Variants in PCDHA4 observed in about 807,000 individuals in gnomAD.
PCDHA4 encodes the protein protocadherin alpha-4.
In PCDHA4, 49 loss-of-function variants were observed where a neutral mutation model predicts 61.4. The observed-to-expected ratio is 0.80, with a 90% CI of 0.63 to 1.01. PCDHA4 has a LOEUF of 1.01. PCDHA4 is among the 50% of genes least tolerant of loss of function. The pLI, the probability that PCDHA4 is intolerant of heterozygous loss-of-function variation, is 0.00. For synonymous variants in PCDHA4, 590 were observed against 550.3 expected, an observed-to-expected ratio of 1.07 and a Z score of -1.01; for missense variants, 1,254 against 1,235.8, an observed-to-expected ratio of 1.01 and a Z score of -0.22.
At chr5:140,906,022 C>T (rs782487413) in intron 1 of PCDHA4, among the ~76,000 whole-genome samples, 9 of 152,192 alleles carry the variant, frequency 5.9e-5, no homozygotes, top group African/African-American at 1.2e-4. Context: ...AATCTCTCCA[C>T]GTTCTTCTGT....
At chr5:140,830,048 G>A (rs2150180232) in intron 1 of PCDHA4, 1 of 1,613,792 alleles carries the variant, frequency 6.2e-7, no homozygotes, top group South Asian at 1.1e-5. Context: ...GCTGGTGAAA[G>A]ACCACGGTGA....
At chr5:140,933,184 G>T (rs1459868769) in intron 1 of PCDHA4, among the ~76,000 whole-genome samples, 4 of 149,618 alleles carry the variant, frequency 2.7e-5, no homozygotes, top group African/African-American at 4.9e-5. Flanking sequence ...ATAAGATAAT[G>T]GTTCAGGATA....
chr5:140,834,584 G>C (rs2150221913), intron 1 of PCDHA4: 1 of 1,614,122 alleles, frequency 6.2e-7, no homozygotes, highest in Non-Finnish European at 8.5e-7. Flanking sequence ...TCCGGGCGGT[G>C]TGCAAATTCC....
chr5:140,925,076 A>G (rs1388489555), intron 1 of PCDHA4, among the ~76,000 whole-genome samples: 2 of 148,798 alleles, frequency 1.3e-5, no homozygotes, highest in Non-Finnish European at 3.0e-5. Context: ...CAACACGCTC[A>G]TCTGGAAAGG....
chr5:140,849,816 G>C (rs2150451582), intron 1 of PCDHA4: 2 of 1,598,578 alleles, frequency 1.3e-6, no homozygotes, highest in Admixed American at 1.7e-5. Context: ...CACGGCCAGG[G>C]TGTCTGTGGA....
At chr5:141,008,211 G>A (rs1032443788) in intron 3 of PCDHA4, among the ~76,000 whole-genome samples, 6 of 152,168 alleles carry the variant, frequency 3.9e-5, no homozygotes, top group Admixed American at 2.0e-4. Context: ...AACTTGACAT[G>A]AGTTATGTTA....
chr5:140,995,918 G>A (rs1303145667), intron 3 of PCDHA4, among the ~76,000 whole-genome samples: 1 of 152,180 alleles, frequency 6.6e-6, no homozygotes, highest in Non-Finnish European at 1.5e-5. Flanking sequence ...GAGACCATAG[G>A]CTGTTGTAAG....
At chr5:140,978,455 G>A (rs782473387) in intron 1 of PCDHA4, among the ~76,000 whole-genome samples, 21 of 152,302 alleles carry the variant, frequency 1.4e-4, no homozygotes, top group Non-Finnish European at 2.8e-4. Context: ...GGGCACATCC[G>A]CCCTGGGTCA....
intron 1 of PCDHA4, chr5:140,875,947 G>A: frequency 6.2e-7 from 1 of 1,614,184 alleles, no homozygotes; most frequent in South Asian, 1.1e-5. Context: ...GGGCGCTTCT[G>A]ATGCGGATAT....
chr5:140,906,816 G>A (rs574852506), intron 1 of PCDHA4, among the ~76,000 whole-genome samples: 6 of 152,360 alleles, frequency 3.9e-5, no homozygotes, highest in African/African-American at 1.4e-4. Context: ...TACCTCCACT[G>A]TGGAGTAGTA....
intron 1 of PCDHA4, chr5:140,884,339 G>A (rs1178682525): frequency 6.2e-7 from 1 of 1,613,788 alleles, no homozygotes; most frequent in Non-Finnish European, 8.5e-7. Context: ...GGGTCCAGAA[G>A]CGGCGCTGGT....
chr5:140,857,909 T>C (rs1554150840), intron 1 of PCDHA4: 1 of 1,597,744 alleles, frequency 6.3e-7, no homozygotes, highest in Non-Finnish European at 8.6e-7. Flanking sequence ...ACGCATCCCG[T>C]TTCGCGTGGG....
At chr5:140,932,287 T>C (rs1259585245) in intron 1 of PCDHA4, among the ~76,000 whole-genome samples, 2 of 151,896 alleles carry the variant, frequency 1.3e-5, no homozygotes, top group Admixed American at 6.6e-5. Context: ...AAAAACTGCA[T>C]TGACAATTTT....
chr5:140,841,473 A>G, intron 1 of PCDHA4: 1 of 1,612,990 alleles, frequency 6.2e-7, no homozygotes, highest in Non-Finnish European at 8.5e-7. Flanking sequence ...ATCGCGCAGG[A>G]CCTGGGGCTG....
intron 1 of PCDHA4, chr5:140,823,572 T>C (rs2150127027): frequency 1.2e-6 from 2 of 1,613,944 alleles, no homozygotes; most frequent in African/African-American, 1.3e-5. Context: ...TGGACCCTGA[T>C]TCGGGCTACA....
chr5:140,972,754 C>T (rs782389999), intron 1 of PCDHA4, among the ~76,000 whole-genome samples: 1 of 151,316 alleles, frequency 6.6e-6, no homozygotes, highest in African/African-American at 2.4e-5. Flanking sequence ...ACCTCCGCCT[C>T]CCAAGTTAAA....
chr5:140,877,049 A>G (rs1554169270), intron 1 of PCDHA4: 4 of 1,612,684 alleles, frequency 2.5e-6, no homozygotes, highest in Middle Eastern at 3.9e-4. Context: ...CTAGACCACG[A>G]GGAGCTGGAG....
chr5:140,891,418 C>G (rs2063090538), intron 1 of PCDHA4, among the ~76,000 whole-genome samples: 1 of 146,594 alleles, frequency 6.8e-6, no homozygotes, highest in Non-Finnish European at 1.5e-5. Flanking sequence ...CCACTCTTGC[C>G]CCCAAGTCCC....
At chr5:140,889,231 T>G (rs1456128446) in intron 1 of PCDHA4, among the ~76,000 whole-genome samples, 2 of 151,912 alleles carry the variant, frequency 1.3e-5, no homozygotes, top group Non-Finnish European at 2.9e-5. Flanking sequence ...TTTGAAAACT[T>G]CCAGAAAATT....
Sources: gnomAD v4.1 joint callset for allele counts (sites outside exome capture counted in the v4.1 genomes callset) on GRCh38, gnomAD v4.1.1 for gene constraint, MANE v1.5 for transcripts, NCBI Gene and HGNC (gene_info 2026-07-23, HGNC 2026-07-21) for gene names.